The following SH3GL1 variants were observed in gnomAD, a reference collection of about 807,000 sequenced individuals.
The protein encoded by SH3GL1 is SH3 domain containing GRB2 like 1, endophilin A2.
Under a neutral mutation model 48.8 loss-of-function variants are expected in SH3GL1, and 21 were observed. The ratio of observed to expected loss-of-function variants is 0.43; its 90% CI spans 0.30 to 0.62. SH3GL1 has a LOEUF of 0.62. SH3GL1 is among the 20% of genes least tolerant of loss of function. SH3GL1 has a pLI of 0.11. For missense variants in SH3GL1, 454 were observed against 503.0 expected, an observed-to-expected ratio of 0.90 and a Z score of 0.93; for synonymous variants, 282 against 217.5, an observed-to-expected ratio of 1.30 and a Z score of -2.61.
At position 4,361,735 on chromosome 19, in the gene SH3GL1, C is replaced by G; in HGVS notation, c.972G>C (p.Glu324Asp). The change falls in exon 10 of 10, where the codon GAG (glutamate) becomes GAC (aspartate). Residue 324 changes from glutamate (E) to aspartate (D), a missense_variant. Transcript: ENST00000269886. ...LYDFEPENDG[E>D]LGFHEGDVIT... is the part of the protein sequence containing the mutation. ...TGACGTCGCCCTCATGGAAGCCCAG[C>G]TCCCCGTCGTTCTCGGGCTCGAAGT... 6.2e-7 allele frequency: 1 copy of G among 1,613,124 alleles called. No homozygotes were observed. Among genetic ancestry groups the G allele is most frequent in the Non-Finnish European group, 8.5e-7 (1 of 1,179,868 alleles).
At chr19:4,374,569 C>T (rs1972967889) in intron 1 of SH3GL1, among the ~76,000 whole-genome samples, 1 of 152,244 alleles carries the variant, frequency 6.6e-6, no homozygotes, top group Admixed American at 6.5e-5. Context: ...CGAACCTGGC[C>T]CGTCCGCCCT....
intron 1 of SH3GL1, among the ~76,000 whole-genome samples, chr19:4,392,513 C>T (rs1025437406): frequency 5.6e-5 from 8 of 142,172 alleles, no homozygotes; most frequent in Non-Finnish European, 1.1e-4. Flanking sequence ...CAGAGCAAGA[C>T]TCCGTCACAC....
intron 1 of SH3GL1, among the ~76,000 whole-genome samples, chr19:4,397,507 C>T (rs913536640): frequency 1.3e-5 from 2 of 152,182 alleles, no homozygotes; most frequent in African/African-American, 4.8e-5. Context: ...AGGCCCTGAT[C>T]GCTGGGAGTG....
chr19:4,374,588 C>T (rs1972968311), intron 1 of SH3GL1, among the ~76,000 whole-genome samples: 1 of 152,232 alleles, frequency 6.6e-6, no homozygotes, highest in Non-Finnish European at 1.5e-5. Context: ...CTAGATGGGG[C>T]AATCGGCGTT....
rs562041652 is a variant in SH3GL1, at chr19:4,397,220, G to A, written c.45+3104C>T. Among the ~76,000 whole-genome samples the A allele has an allele frequency of 1.2e-3, 178 of 152,308 alleles. 1 individual carries two copies. Among genetic ancestry groups the A allele is most frequent in the African/African-American group, 3.9e-3 (163 of 41,570 alleles). On this transcript the variant is annotated intron_variant, in intron 1 of 9. Coordinates refer to ENST00000269886, the MANE Select transcript of SH3GL1 (RefSeq NM_003025.4). ...GGAACGCAGCCAGGGTGACTTCTAAGAGCACGACTCAGGACAGAATTGACC... is the reference window on the plus strand; with the variant it reads ...GGAACGCAGCCAGGGTGACTTCTAAAAGCACGACTCAGGACAGAATTGACC...
intron 1 of SH3GL1, among the ~76,000 whole-genome samples, chr19:4,369,443 G>A (rs1207388500): frequency 6.6e-6 from 1 of 152,208 alleles, no homozygotes; most frequent in Non-Finnish European, 1.5e-5. Flanking sequence ...CCGGCCCCAC[G>A]ACCTGCCCAG....
intron 1 of SH3GL1, among the ~76,000 whole-genome samples, chr19:4,373,994 C>G (rs1254497882): frequency 6.6e-6 from 1 of 152,258 alleles, no homozygotes; most frequent in Non-Finnish European, 1.5e-5. Context: ...CCCTGCCTGA[C>G]TCCTGGCTCT....
At chr19:4,397,165 G>A (rs1358238282) in intron 1 of SH3GL1, among the ~76,000 whole-genome samples, 1 of 152,182 alleles carries the variant, frequency 6.6e-6, no homozygotes, top group Non-Finnish European at 1.5e-5. Flanking sequence ...GATGTCAGAG[G>A]GAACCATGGC....
chr19:4,390,767 T>C (rs888969470), intron 1 of SH3GL1, among the ~76,000 whole-genome samples: 12 of 149,710 alleles, frequency 8.0e-5, no homozygotes, highest in African/African-American at 2.7e-4. Context: ...GGGGCAATGC[T>C]TCCCCTTCCA....
At chr19:4,375,973 T>C (rs1370493555) in intron 1 of SH3GL1, among the ~76,000 whole-genome samples, 1 of 152,162 alleles carries the variant, frequency 6.6e-6, no homozygotes, top group Non-Finnish European at 1.5e-5. Flanking sequence ...AAACGATCTT[T>C]TCTCAACAGC....
intron 1 of SH3GL1, among the ~76,000 whole-genome samples, chr19:4,375,646 G>T (rs141569002): frequency 1.3e-5 from 2 of 152,236 alleles, no homozygotes; most frequent in African/African-American, 4.8e-5. Context: ...GCTCCAGCCC[G>T]AGCGAACACA....
At chr19:4,391,860 G>A (rs896790488) in intron 1 of SH3GL1, among the ~76,000 whole-genome samples, 2 of 152,214 alleles carry the variant, frequency 1.3e-5, no homozygotes, top group Non-Finnish European at 2.9e-5. Context: ...GGGTGGCCCA[G>A]GGTCCACGCC....
intron 1 of SH3GL1, among the ~76,000 whole-genome samples, chr19:4,397,133 G>C (rs752200249): frequency 6.6e-6 from 1 of 152,160 alleles, no homozygotes; most frequent in African/African-American, 2.4e-5. Flanking sequence ...CAAATAGTCG[G>C]ATACGTCCAG....
At chr19:4,368,836 C>G (rs1218216405) in intron 1 of SH3GL1, among the ~76,000 whole-genome samples, 1 of 152,192 alleles carries the variant, frequency 6.6e-6, no homozygotes, top group African/African-American at 2.4e-5. Context: ...CTTTGGGAGG[C>G]TGAGGCAGGC....
chr19:4,366,472 C>G (rs1972782052), intron 3 of SH3GL1, 29 bp downstream of exon 3: 1 of 1,580,226 alleles, frequency 6.3e-7, no homozygotes, highest in Non-Finnish European at 8.7e-7. Flanking sequence ...GGGCCTGGGG[C>G]AGGCCCTGGC....
chr19:4,363,938 G>T, intron 5 of SH3GL1, 60 bp from the exon 6 acceptor site: 1 of 1,609,138 alleles, frequency 6.2e-7, no homozygotes. Flanking sequence ...CCCACGCATG[G>T]CTTTGACCCA....
chr19:4,362,849 T>C lies in SH3GL1; in HGVS notation c.729-113A>G, dbSNP rs987911920. Reference sequence around the variant, plus strand: ...GGCCTGGGACTGCAGGAAGAGGCCGTCAGTGGGGTTGTGACACATGGACCC... The same window carrying C: ...GGCCTGGGACTGCAGGAAGAGGCCGCCAGTGGGGTTGTGACACATGGACCC... On this transcript the variant is annotated intron_variant, in intron 7 of 9. Coordinates refer to ENST00000269886, the MANE Select transcript of SH3GL1 (RefSeq NM_003025.4). 10 of 1,535,680 alleles carry C rather than the reference T, an allele frequency of 6.5e-6. No homozygotes were observed. In the South Asian group the frequency reaches 7.9e-5, roughly 12 times the overall value.
chr19:4,373,682 T>C (rs1019686447), intron 1 of SH3GL1, among the ~76,000 whole-genome samples: 1 of 152,084 alleles, frequency 6.6e-6, no homozygotes, highest in Non-Finnish European at 1.5e-5. Flanking sequence ...GGGCAGTCCC[T>C]TGGGCCTGGG....
chr19:4,363,034 C>T (rs1311924806), intron 7 of SH3GL1, among the ~76,000 whole-genome samples: 2 of 152,186 alleles, frequency 1.3e-5, no homozygotes, highest in African/African-American at 4.8e-5. Context: ...TTCCCCACCA[C>T]GGACGGCGCC....
Sources: gnomAD v4.1 joint callset for allele counts (sites outside exome capture counted in the v4.1 genomes callset) on GRCh38, gnomAD v4.1.1 for gene constraint, MANE v1.5 for transcripts, NCBI Gene and HGNC (gene_info 2026-07-23, HGNC 2026-07-21) for gene names.